PLXNC1: variants seen among roughly 807,000 people sequenced by gnomAD.
The protein encoded by PLXNC1 is plexin-C1.
A neutral mutation model predicts 178.2 loss-of-function variants in PLXNC1; 75 were observed. That is an observed-to-expected ratio of 0.42 (90% CI 0.35 to 0.51). The LOEUF (loss-of-function observed/expected upper bound fraction) is 0.51, where lower values mean the gene tolerates loss of function less well. Among genes scored for constraint, PLXNC1 ranks in the 20% least tolerant of loss-of-function variants. The pLI is 0.02. For missense variants in PLXNC1, 1,503 were observed against 1,984.4 expected, an observed-to-expected ratio of 0.76 and a Z score of 4.61; for synonymous variants, 790 against 779.9, an observed-to-expected ratio of 1.01 and a Z score of -0.22.
intron 2 of PLXNC1, among the ~76,000 whole-genome samples, chr12:94,177,599 G>GGGAGA (rs149177095): frequency 2.0e-5 from 3 of 151,808 alleles, no homozygotes; most frequent in East Asian, 3.9e-4. Flanking sequence ...GAGAAAGGAA[G>GGGAGA]GGAGAGGAGA....
At chr12:94,184,620 C>T (rs940799149) in intron 3 of PLXNC1, among the ~76,000 whole-genome samples, 2 of 151,334 alleles carry the variant, frequency 1.3e-5, no homozygotes, top group Non-Finnish European at 1.5e-5. Flanking sequence ...ACAGAGTTGG[C>T]CAGACTGGTC....
At chr12:94,235,508 A>G (rs1350599851) in intron 9 of PLXNC1, among the ~76,000 whole-genome samples, 2 of 152,204 alleles carry the variant, frequency 1.3e-5, no homozygotes, top group Non-Finnish European at 2.9e-5. Context: ...GTTGACTTGG[A>G]TGTAAACGTG....
chr12:94,214,998 G>C (rs1225857262), intron 5 of PLXNC1, among the ~76,000 whole-genome samples: 1 of 152,072 alleles, frequency 6.6e-6, no homozygotes. Context: ...CCGGGTTCAA[G>C]CGATTCTCCT....
chr12:94,253,009 G>A (rs1370528523), intron 15 of PLXNC1, among the ~76,000 whole-genome samples: 3 of 151,786 alleles, frequency 2.0e-5, no homozygotes, highest in South Asian at 2.1e-4. Context: ...TCAGCAGATC[G>A]AGACCATCCT....
In PLXNC1 at chr12:94,245,021, C is replaced by A. The variant is rs534392797; in HGVS notation, c.2388+996C>A. 1.1e-4 allele frequency among the ~76,000 whole-genome samples: 17 copies of A among 152,338 alleles called. 1 individual carries two copies. Among genetic ancestry groups the A allele is most frequent in the African/African-American group, 4.1e-4 (17 of 41,588 alleles). ...GGCTGACACACTCCCTCCTCAGGAG[C>A]AGTGTGGGTTCAGACCCAAATTCCG... On this transcript the variant is annotated intron_variant, in intron 12 of 30. Transcript: ENST00000258526.
intron 23 of PLXNC1, among the ~76,000 whole-genome samples, chr12:94,284,082 C>T (rs1026651660): frequency 2.5e-4 from 27 of 109,970 alleles, no homozygotes; most frequent in African/African-American, 9.4e-4. Flanking sequence ...GACTCCATGT[C>T]AGGGGAAAAA....
chr12:94,194,845 G>C (rs945812554), intron 4 of PLXNC1, among the ~76,000 whole-genome samples: 4 of 152,138 alleles, frequency 2.6e-5, no homozygotes, highest in African/African-American at 9.7e-5. Context: ...CCTGGCTCCT[G>C]GTAGGCAACG....
rs140871790 is a variant in PLXNC1, at chr12:94,175,762, C to T, written c.1204-5684C>T. 2.1e-3 allele frequency among the ~76,000 whole-genome samples: 322 copies of T among 152,362 alleles called. 8 individuals carry two copies. In the East Asian group the frequency reaches 0.03, roughly 14 times the overall value. ...TACTGGGCACCTTGTATGTGCCAGG[C>T]ACTGTTCTGGGTGCTGAATATACAA... On this transcript the variant is annotated intron_variant, in intron 2 of 30. Coordinates refer to ENST00000258526, the MANE Select transcript of PLXNC1 (RefSeq NM_005761.3).
At chr12:94,270,636 A>G (rs1340636141) in intron 21 of PLXNC1, among the ~76,000 whole-genome samples, 1 of 151,986 alleles carries the variant, frequency 6.6e-6, no homozygotes, top group Non-Finnish European at 1.5e-5. Context: ...TACTAAAATC[A>G]GTTATCTTGG....
intron 11 of PLXNC1, among the ~76,000 whole-genome samples, chr12:94,243,422 C>G (rs4761596): frequency 2.0e-5 from 3 of 152,074 alleles, no homozygotes; most frequent in African/African-American, 7.2e-5. Context: ...GTTATTTATA[C>G]GGCGTACCAA....
At chr12:94,215,853 A>G (rs1963631857) in intron 5 of PLXNC1, among the ~76,000 whole-genome samples, 1 of 152,226 alleles carries the variant, frequency 6.6e-6, no homozygotes. Flanking sequence ...AGAAGAACCA[A>G]CAGAAAATGA....
intron 15 of PLXNC1, among the ~76,000 whole-genome samples, chr12:94,254,170 G>T (rs936299146): frequency 1.3e-5 from 2 of 152,168 alleles, no homozygotes; most frequent in African/African-American, 4.8e-5. Context: ...CTTAACCCAG[G>T]TCACATAGCT....
Position 94,251,286 on chromosome 12 carries a change from C to T in PLXNC1, c.2779-140C>T, listed in dbSNP as rs1592812056. On this transcript the variant is annotated intron_variant, in intron 14 of 30. Coordinates refer to ENST00000258526, the MANE Select transcript of PLXNC1 (RefSeq NM_005761.3). ...CCAAGGACACATAGCTAATCTGCCA[C>T]AGAAATGAGAGTTGAACTCAGATAT... is the stretch of plus-strand genomic sequence containing the variant. 4.8e-6 allele frequency: 3 copies of T among 619,142 alleles called. No individual in the cohort carries two copies. In the East Asian group the frequency reaches 8.2e-5, roughly 17 times the overall value. 38.4% of individuals were successfully genotyped at this position (619,142 alleles called of 1,614,324 possible).
At chr12:94,199,025 TA>T (rs1963027700) in intron 4 of PLXNC1, among the ~76,000 whole-genome samples, 2 of 151,722 alleles carry the variant, frequency 1.3e-5, no homozygotes, top group Non-Finnish European at 2.9e-5. Context: ...TGTCACAGAG[TA>T]AACAGGGCTG....
chr12:94,177,224 TATATAC>T (rs1214084514), intron 2 of PLXNC1, among the ~76,000 whole-genome samples: 592 of 40,386 alleles, frequency 0.015, 4 homozygotes, highest in East Asian at 0.035. Flanking sequence ...TGTGTGTATA[TATATAC>T]ATATATATAT....
chr12:94,293,594 G>C (rs777727894), intron 23 of PLXNC1, among the ~76,000 whole-genome samples: 1 of 152,120 alleles, frequency 6.6e-6, no homozygotes, highest in East Asian at 1.9e-4. Context: ...AAGCAGAGGG[G>C]ACCAGCAAGC....
At chr12:94,201,222 CAG>C (rs1457252960) in intron 4 of PLXNC1, among the ~76,000 whole-genome samples, 2 of 152,196 alleles carry the variant, frequency 1.3e-5, no homozygotes, top group African/African-American at 4.8e-5. Flanking sequence ...TAGGAGGAAA[CAG>C]AGCTGTGATT....
At chr12:94,248,146 C>A in intron 13 of PLXNC1, 40 bp downstream of exon 13, 2 of 1,588,554 alleles carry the variant, frequency 1.3e-6, no homozygotes, top group Non-Finnish European at 1.7e-6. Context: ...TCACCCCGAC[C>A]CCTTGACTGG....
At chr12:94,203,335 C>A (rs1010400680) in intron 4 of PLXNC1, among the ~76,000 whole-genome samples, 25 of 152,320 alleles carry the variant, frequency 1.6e-4, no homozygotes, top group African/African-American at 5.1e-4. Context: ...AGCACAGTGG[C>A]ATCTACAAGG....
Sources: gnomAD v4.1 joint callset for allele counts (sites outside exome capture counted in the v4.1 genomes callset) on GRCh38, gnomAD v4.1.1 for gene constraint, MANE v1.5 for transcripts, NCBI Gene and HGNC (gene_info 2026-07-23, HGNC 2026-07-21) for gene names.